STK10: variants seen among roughly 807,000 people sequenced by gnomAD.
STK10 encodes serine/threonine kinase 10.
STK10 carries 78 observed loss-of-function variants against 113.8 expected under a neutral mutation model. The observed-to-expected ratio is 0.69, with a 90% confidence interval of 0.57 to 0.83. STK10 has a LOEUF of 0.83. Ranked by LOEUF, STK10 falls within the 40% of genes least tolerant of loss-of-function variation. STK10 has a pLI of 0.00. For missense variants in STK10, 1,109 were observed against 1,280.1 expected (o/e 0.87, Z 2.04); for synonymous variants, 465 against 494.7 (o/e 0.94, Z 0.80).
In STK10 at chr5:172,133,889, T is replaced by C. The variant is rs940219045; in HGVS notation, c.322-6468A>G. ...ACTCTCCAGGTGGCAGACTCCAGGTTGTACCAGCTGAAAATGCTACACCAA... is the reference window on the plus strand; with the variant it reads ...ACTCTCCAGGTGGCAGACTCCAGGTCGTACCAGCTGAAAATGCTACACCAA... On this transcript the variant is annotated intron_variant, in intron 2 of 18. Transcript: ENST00000176763. The surrounding 1 kb of genome is among the most constrained non-coding windows in gnomAD (Gnocchi z 4.9). 1.3e-5 allele frequency among the ~76,000 whole-genome samples: 2 copies of C among 152,188 alleles called. No homozygotes were observed. Among genetic ancestry groups the C allele is most frequent in the Admixed American group, 6.5e-5 (1 of 15,272 alleles).
At position 172,093,615 on chromosome 5, in the gene STK10, G is replaced by A. The variant is rs770743554; in HGVS notation, c.1351C>T (p.Arg451Trp). 1.5e-5 allele frequency: 24 copies of A among 1,614,120 alleles called. No homozygotes were observed. The highest frequency in any genetic ancestry group is 1.0e-4 in the Admixed American group (6 of 60,006). The change falls in exon 9 of 19, where the codon CGG becomes TGG. Residue 451 changes from arginine (R) to tryptophan (W), a missense_variant. Transcript: ENST00000176763. The surrounding 1 kb of genome is among the most constrained non-coding windows in gnomAD (Gnocchi z 4.1). Reference protein sequence around the residue: ...ANRSQKASQSRPNSSALETLG... With the variant: ...ANRSQKASQSWPNSSALETLG... Reference sequence around the variant, plus strand: ...GTCTCCAGGGCGCTGCTGTTGGGCCGGCTCTGGCTGGCCTTTTGAGATCTG... The same window carrying A: ...GTCTCCAGGGCGCTGCTGTTGGGCCAGCTCTGGCTGGCCTTTTGAGATCTG...
At position 172,093,887 on chromosome 5, in the gene STK10, TC is replaced by T. The variant is rs777943495; in HGVS notation, c.1078del (p.Glu360SerfsTer16). The T allele has an allele frequency of 5.8e-6, 9 of 1,558,734 alleles. No individual in the cohort carries two copies. The highest frequency in any genetic ancestry group is 1.7e-4 in the Middle Eastern group (1 of 5,804). On this transcript the variant is annotated frameshift_variant, in exon 9 of 19. Transcript: ENST00000176763. LOFTEE classifies it high-confidence loss of function. The surrounding 1 kb of genome is among the most constrained non-coding windows in gnomAD (Gnocchi z 4.1). ...PSLNADKPLE[E>X]SPSTPLAPSQ... ...GGGTGCCAGCGGGGTGGAAGGTGAC[TC>T]CTCGAGAGGCTTGTCAGCATTGAGG...
chr5:172,168,717 A>G (rs1770614236), intron 1 of STK10, among the ~76,000 whole-genome samples: 1 of 152,196 alleles, frequency 6.6e-6, no homozygotes, highest in Non-Finnish European at 1.5e-5. Flanking sequence ...GACTTGTCCC[A>G]GGTCACATAG....
rs1419966624 is a variant in STK10, at chr5:172,133,134, G to T, written c.322-5713C>A. On this transcript the variant is annotated intron_variant, in intron 2 of 18. Transcript: ENST00000176763. This position sits in a 1 kb window ranked among gnomAD's most constrained non-coding sequence, Gnocchi z 4.9. ...CAAAGGATGGGAATCCAGCAGGCTG[G>T]AGGTCAATTAGAACTAGAACTTGAA... Among the ~76,000 whole-genome samples, 1 of 152,194 alleles carries T rather than the reference G, an allele frequency of 6.6e-6. No individual in the cohort carries two copies. The highest frequency in any genetic ancestry group is 1.5e-5 in the Non-Finnish European group (1 of 68,032).
At chr5:172,105,370 G>A (rs995483151) in intron 7 of STK10, among the ~76,000 whole-genome samples, 1 of 151,954 alleles carries the variant, frequency 6.6e-6, no homozygotes. Context: ...ATCTCCTTCC[G>A]TGGCACTGGC....
chr5:172,088,871 G>A (rs1768627887), intron 10 of STK10, among the ~76,000 whole-genome samples: 2 of 152,206 alleles, frequency 1.3e-5, no homozygotes, highest in South Asian at 4.1e-4. Flanking sequence ...TCCCGAAGGA[G>A]GGCTGTAAGT....
At position 172,061,012 on chromosome 5, in the gene STK10, A is replaced by G; in HGVS notation, c.2212+127T>C. On this transcript the variant is annotated intron_variant, in intron 14 of 18. Coordinates refer to ENST00000176763, the MANE Select transcript of STK10 (RefSeq NM_005990.4). ...GGGCTTTTCCCCAGGTTTCCCCATG[A>G]AGAATGATGTTTAGTTTTGGGGATG... 3 of 1,395,536 alleles carry G rather than the reference A, an allele frequency of 2.1e-6. No homozygotes were observed. In the South Asian group the frequency reaches 4.6e-5, roughly 22 times the overall value. The allele number at this position is 1,395,536 out of a possible 1,614,324, so 86.4% of individuals were successfully genotyped here.
intron 5 of STK10, 194 bp from the exon 6 acceptor site, chr5:172,107,008 C>T: frequency 3.9e-6 from 2 of 517,314 alleles, no homozygotes; most frequent in Non-Finnish European, 6.7e-6. Context: ...CGCGGCTCCC[C>T]GCCACGTCCT....
At chr5:172,094,070 G>A (rs1768791593) in intron 8 of STK10, 110 bp from the exon 9 acceptor site, 2 of 819,020 alleles carry the variant, frequency 2.4e-6, no homozygotes, top group Non-Finnish European at 3.3e-6. Flanking sequence ...GTGGGCCAGC[G>A]CCAAGAAAGG....
In STK10 at chr5:172,084,484, A is replaced by G. The variant is rs371958134; in HGVS notation, c.1686-1400T>C. Among the ~76,000 whole-genome samples the G allele has an allele frequency of 5.3e-5, 8 of 152,092 alleles. No individual in the cohort carries two copies. The South Asian group carries it at 8.3e-4, about 16-fold the overall frequency. Reference sequence around the variant, plus strand: ...GGTAAAAAAAAGCAAGATATTAAAGAATAGGTCTGTTATGCCACCTTATCT... The same window carrying G: ...GGTAAAAAAAAGCAAGATATTAAAGGATAGGTCTGTTATGCCACCTTATCT... On this transcript the variant is annotated intron_variant, in intron 10 of 18. Transcript: ENST00000176763.
chr5:172,089,393 C>CATGGATGGATGG (rs5873300), intron 10 of STK10, among the ~76,000 whole-genome samples: 248 of 132,996 alleles, frequency 1.9e-3, no homozygotes, highest in African/African-American at 3.2e-3. Flanking sequence ...TTGGTGGATA[C>CATGGATGGATGG]ATGGATGGAT....
chr5:172,144,738 G>C (rs1205985739), intron 2 of STK10, among the ~76,000 whole-genome samples: 2 of 152,144 alleles, frequency 1.3e-5, no homozygotes, highest in East Asian at 3.9e-4. Flanking sequence ...AAGGGCATCT[G>C]GAACAGAGGG....
rs56234025 is a variant in STK10, at chr5:172,057,493, G to A, written c.2213-20C>T. 659 of 1,542,144 alleles carry A rather than the reference G, an allele frequency of 4.3e-4. 3 individuals are homozygous for A. The highest frequency in any genetic ancestry group is 2.7e-3 in the Middle Eastern group (12 of 4,392). On this transcript the variant is annotated intron_variant, in intron 14 of 18. Transcript: ENST00000176763. Reference sequence around the variant, plus strand: ...CCCGGTCTGCAGAGGACATGCCACCGAGCTGGTGAGGTGCTGACAACCAGA... The same window carrying A: ...CCCGGTCTGCAGAGGACATGCCACCAAGCTGGTGAGGTGCTGACAACCAGA...
intron 10 of STK10, among the ~76,000 whole-genome samples, chr5:172,087,207 G>C (rs1768583400): frequency 6.6e-6 from 1 of 151,298 alleles, no homozygotes; most frequent in Non-Finnish European, 1.5e-5. Flanking sequence ...CTGTCTCCTA[G>C]AGGGAGAAGA....
At chr5:172,127,583 C>G (rs1769652551) in intron 2 of STK10, among the ~76,000 whole-genome samples, 162 bp from the exon 3 acceptor site, 2 of 152,200 alleles carry the variant, frequency 1.3e-5, no homozygotes, top group African/African-American at 4.8e-5. Context: ...CCCCCTCCCC[C>G]AGTGGGCCTC....
At chr5:172,122,532 A>G (rs1581167278) in intron 3 of STK10, among the ~76,000 whole-genome samples, 1 of 152,236 alleles carries the variant, frequency 6.6e-6, no homozygotes, top group East Asian at 1.9e-4. Flanking sequence ...TAAAAAAACT[A>G]CAACATTGCA....
At chr5:172,140,210 G>A (rs1017614901) in intron 2 of STK10, among the ~76,000 whole-genome samples, 2 of 152,040 alleles carry the variant, frequency 1.3e-5, no homozygotes, top group Admixed American at 6.6e-5. Flanking sequence ...TAATCATCAC[G>A]GAAAGGCAAA....
chr5:172,097,039 A>G (rs1768870942), intron 7 of STK10, among the ~76,000 whole-genome samples: 1 of 152,196 alleles, frequency 6.6e-6, no homozygotes, highest in South Asian at 2.1e-4. Context: ...CAGGTTGTAA[A>G]GCTCAATGAC....
chr5:172,182,101 G>A (rs1770867775), intron 1 of STK10, among the ~76,000 whole-genome samples: 1 of 151,604 alleles, frequency 6.6e-6, no homozygotes. Flanking sequence ...TCAGGAGTTC[G>A]AGACCAGCCT....
Sources: allele counts gnomAD v4.1 joint callset (sites outside exome capture counted in the v4.1 genomes callset), GRCh38; gene constraint gnomAD v4.1.1; non-coding constraint Gnocchi (gnomAD v3.1); transcripts MANE v1.5; gene names NCBI Gene and HGNC (gene_info 2026-07-23, HGNC 2026-07-21).